Variants in CCDC192 observed in about 807,000 individuals in gnomAD.
The protein encoded by CCDC192 is coiled-coil domain containing 192, also known as coiled-coil domain-containing protein 192.
intron 5 of CCDC192, among the ~76,000 whole-genome samples, chr5:127,804,282 A>C (rs999343654): frequency 2.6e-5 from 4 of 152,170 alleles, no homozygotes; most frequent in African/African-American, 9.7e-5. Flanking sequence ...TAATACCCAG[A>C]TATTCTCTAC....
intron 5 of CCDC192, among the ~76,000 whole-genome samples, chr5:127,873,907 C>T (rs868047931): frequency 6.6e-6 from 1 of 152,274 alleles, no homozygotes; most frequent in South Asian, 2.1e-4. Context: ...CACAGCTGTC[C>T]AGCTGTCAAA....
chr5:127,827,995 C>T (rs1749613197), intron 5 of CCDC192, among the ~76,000 whole-genome samples: 1 of 152,156 alleles, frequency 6.6e-6, no homozygotes. Flanking sequence ...CAACCTCTGC[C>T]TCCCAGGTTC....
intron 2 of CCDC192, among the ~76,000 whole-genome samples, chr5:127,741,688 C>T (rs1333931438): frequency 1.3e-5 from 2 of 152,154 alleles, no homozygotes; most frequent in Non-Finnish European, 2.9e-5. Context: ...TTCAGGACTC[C>T]TCTAGCCCAG....
chr5:127,826,657 AG>A (rs916885992), intron 5 of CCDC192, among the ~76,000 whole-genome samples: 2 of 146,878 alleles, frequency 1.4e-5, no homozygotes, highest in Non-Finnish European at 3.0e-5. Context: ...AGAGGGAGGG[AG>A]GGGGGCAAGG....
chr5:127,807,882 T>A (rs567611495), intron 5 of CCDC192, among the ~76,000 whole-genome samples: 1 of 152,242 alleles, frequency 6.6e-6, no homozygotes, highest in South Asian at 2.1e-4. Context: ...AGAGCCACAT[T>A]CCTAGACTTC....
At chr5:127,713,071 C>T (rs1303662012) in intron 2 of CCDC192, among the ~76,000 whole-genome samples, 1 of 151,966 alleles carries the variant, frequency 6.6e-6, no homozygotes, top group Admixed American at 6.6e-5. Context: ...GCTGTCTCTA[C>T]TAAAAATACA....
At chr5:127,921,591 A>G (rs1368312826) in intron 6 of CCDC192, among the ~76,000 whole-genome samples, 1 of 152,238 alleles carries the variant, frequency 6.6e-6, no homozygotes, top group East Asian at 1.9e-4. Context: ...CCCTAATACA[A>G]TCATAGAATT....
chr5:127,746,498 T>G (rs1269590315), intron 2 of CCDC192, among the ~76,000 whole-genome samples: 1 of 152,124 alleles, frequency 6.6e-6, no homozygotes, highest in Non-Finnish European at 1.5e-5. Context: ...AGATCAGAGA[T>G]TCTCAATCTT....
At chr5:127,896,734 C>A (rs112755362) in intron 6 of CCDC192, among the ~76,000 whole-genome samples, 18 of 152,230 alleles carry the variant, frequency 1.2e-4, no homozygotes, top group African/African-American at 4.3e-4. Context: ...GCGTGAGCCA[C>A]TGTGCCCAGC....
chr5:127,850,556 T>C (rs1750750811), intron 5 of CCDC192, among the ~76,000 whole-genome samples: 1 of 152,178 alleles, frequency 6.6e-6, no homozygotes, highest in East Asian at 1.9e-4. Flanking sequence ...CCTTGCAGCC[T>C]GGATGAAAGA....
chr5:127,815,814 G>A (rs1254233767), intron 5 of CCDC192, among the ~76,000 whole-genome samples: 1 of 151,942 alleles, frequency 6.6e-6, no homozygotes, highest in Non-Finnish European at 1.5e-5. Flanking sequence ...CTTGCAGTGA[G>A]AGTAGGTTGC....
chr5:127,721,949 A>AC (rs1752051903), intron 2 of CCDC192, among the ~76,000 whole-genome samples: 1 of 151,974 alleles, frequency 6.6e-6, no homozygotes, highest in Admixed American at 6.6e-5. Flanking sequence ...TGATCCAATC[A>AC]CCCCCCACTA....
At chr5:127,926,244 C>T (rs1753859686) in intron 6 of CCDC192, among the ~76,000 whole-genome samples, 1 of 152,166 alleles carries the variant, frequency 6.6e-6, no homozygotes, top group Admixed American at 6.6e-5. Flanking sequence ...ATCTATTAAG[C>T]TAGGTTGCAG....
At chr5:127,807,803 T>C (rs1444905947) in intron 5 of CCDC192, among the ~76,000 whole-genome samples, 2 of 152,166 alleles carry the variant, frequency 1.3e-5, no homozygotes, top group African/African-American at 4.8e-5. Flanking sequence ...GAAGCAGGAC[T>C]ATCTAAATAT....
At chr5:127,756,447 T>C (rs1170237463) in intron 3 of CCDC192, among the ~76,000 whole-genome samples, 3 of 152,272 alleles carry the variant, frequency 2.0e-5, no homozygotes, top group East Asian at 3.9e-4. Context: ...GATGGAATCA[T>C]AGGAGCTCGA....
At chr5:127,917,212 G>A (rs1753548269) in intron 6 of CCDC192, among the ~76,000 whole-genome samples, 1 of 152,206 alleles carries the variant, frequency 6.6e-6, no homozygotes, top group African/African-American at 2.4e-5. Context: ...GAATTGAAGA[G>A]TCAGGGCCTT....
At chr5:127,884,291 C>T (rs1444684826) in intron 6 of CCDC192, among the ~76,000 whole-genome samples, 21 of 122,728 alleles carry the variant, frequency 1.7e-4, no homozygotes, top group Non-Finnish European at 2.7e-4. Context: ...TGCAGTGAGG[C>T]GAGATTGTGC....
intron 3 of CCDC192, among the ~76,000 whole-genome samples, chr5:127,795,291 A>C: frequency 1.4e-5 from 1 of 69,120 alleles, no homozygotes; most frequent in African/African-American, 4.0e-5. Context: ...CTCTATCTCA[A>C]AAAAAAAAAA....
At chr5:127,767,876 G>A (rs1044926611) in intron 3 of CCDC192, among the ~76,000 whole-genome samples, 8 of 152,092 alleles carry the variant, frequency 5.3e-5, no homozygotes, top group Non-Finnish European at 1.2e-4. Flanking sequence ...TGTCAGCCCC[G>A]CAATTAATTT....
Sources: allele counts gnomAD v4.1 joint callset (sites outside exome capture counted in the v4.1 genomes callset), GRCh38; gene constraint gnomAD v4.1.1; transcripts MANE v1.5; gene names NCBI Gene and HGNC (gene_info 2026-07-23, HGNC 2026-07-21).